Variants in MTCH2 observed in about 807,000 individuals in gnomAD.
The protein encoded by MTCH2 is mitochondrial carrier 2.
MTCH2 carries 25 observed loss-of-function variants against 50.6 expected under a neutral mutation model. The ratio of observed to expected loss-of-function variants is 0.49; its 90% CI spans 0.36 to 0.69. The LOEUF (loss-of-function observed/expected upper bound fraction) is 0.69, where lower values mean the gene tolerates loss of function less well. Among genes scored for constraint, MTCH2 ranks in the 30% least tolerant of loss-of-function variants. The pLI is 0.00. For missense variants in MTCH2, 273 were observed against 384.4 expected (o/e 0.71, Z 2.42); for synonymous variants, 106 against 132.0 (o/e 0.80, Z 1.35).
intron 7 of MTCH2, 69 bp from the exon 8 acceptor site, chr11:47,630,683 A>G (rs1253752711): frequency 7.1e-7 from 1 of 1,410,780 alleles, no homozygotes; most frequent in African/African-American, 1.4e-5. Flanking sequence ...AATAATTTCA[A>G]TTATCACATT....
chr11:47,620,710 G>C (rs1170517170), intron 12 of MTCH2, among the ~76,000 whole-genome samples: 1 of 152,148 alleles, frequency 6.6e-6, no homozygotes, highest in Non-Finnish European at 1.5e-5. Context: ...GTGCAACTGA[G>C]TACACTCTGG....
the MTCH2 span, among the ~76,000 whole-genome samples, chr11:47,609,757 C>T: frequency 6.6e-6 from 1 of 152,004 alleles, no homozygotes; most frequent in African/African-American, 2.4e-5. Context: ...ATCCTCTGTA[C>T]CCTGGTCAAA....
intron 8 of MTCH2, among the ~76,000 whole-genome samples, chr11:47,629,759 A>C (rs113461275): frequency 3.9e-5 from 6 of 152,044 alleles, no homozygotes; most frequent in African/African-American, 9.6e-5. Flanking sequence ...ATTAAAAAAA[A>C]AAAAACAAAA....
chr11:47,623,821 G>A (rs192107633), intron 11 of MTCH2, among the ~76,000 whole-genome samples: 10 of 152,310 alleles, frequency 6.6e-5, no homozygotes, highest in Non-Finnish European at 1.3e-4. Context: ...GGAGGTCGAG[G>A]AGGGTGGACC....
intron 10 of MTCH2, among the ~76,000 whole-genome samples, chr11:47,626,132 G>A (rs1169107223): frequency 1.3e-5 from 2 of 151,462 alleles, no homozygotes; most frequent in African/African-American, 2.4e-5. Flanking sequence ...TGCAACCTCC[G>A]CCTCCTGGGG....
At chr11:47,631,122 G>C in intron 6 of MTCH2, 35 bp from the exon 7 acceptor site, 1 of 1,582,722 alleles carries the variant, frequency 6.3e-7, no homozygotes, top group Non-Finnish European at 8.7e-7. Flanking sequence ...TTACAACTAT[G>C]TTAAGGCCAG....
At chr11:47,614,933 A>C (rs2097287456), downstream of MTCH2, among the ~76,000 whole-genome samples, 1 of 151,778 alleles carries the variant, frequency 6.6e-6, no homozygotes, top group Admixed American at 6.6e-5. Flanking sequence ...GGGAGAAGGA[A>C]AAAAAAATCT....
chr11:47,626,738 G>A (rs752088640), intron 10 of MTCH2, among the ~76,000 whole-genome samples: 11 of 151,700 alleles, frequency 7.3e-5, no homozygotes, highest in East Asian at 2.0e-4. Flanking sequence ...TCAGCCTCCC[G>A]AGTAGCTGGG....
At position 47,642,441 on chromosome 11, in the gene MTCH2, G is replaced by C; in HGVS notation, c.25C>G (p.Leu9Val). 1 of 1,604,374 alleles carries C rather than the reference G, an allele frequency of 6.2e-7. No homozygotes were observed. The highest frequency in any genetic ancestry group is 1.3e-5 in the African/African-American group (1 of 74,606). MADAASQV[L>V]LGSGLTILSQ... Reference sequence around the variant, plus strand: ...AGGATGGTGAGACCGGAGCCCAGGAGCACCTGACTGGCCGCGTCCGCCATG... The same window carrying C: ...AGGATGGTGAGACCGGAGCCCAGGACCACCTGACTGGCCGCGTCCGCCATG... The change falls in exon 1 of 13, where the codon CTC becomes GTC. Residue 9 changes from leucine (L) to valine (V), a missense_variant. By Grantham distance (32) the Leu-to-Val change is conservative. Transcript: ENST00000302503.
chr11:47,609,110 G>A, the MTCH2 span, among the ~76,000 whole-genome samples: 2 of 80,566 alleles, frequency 2.5e-5, no homozygotes, highest in African/African-American at 4.8e-5. Flanking sequence ...GGTAACAAGA[G>A]CAAAACTCTG....
intron 9 of MTCH2, among the ~76,000 whole-genome samples, chr11:47,628,749 T>G (rs1312057496): frequency 6.6e-6 from 1 of 152,104 alleles, no homozygotes; most frequent in East Asian, 1.9e-4. Flanking sequence ...TAATTTTTTC[T>G]GTATTTTTAG....
chr11:47,631,752 G>T, intron 5 of MTCH2, 41 bp from the exon 6 acceptor site: 1 of 1,606,290 alleles, frequency 6.2e-7, no homozygotes, highest in South Asian at 1.1e-5. Flanking sequence ...CTAAACAAAT[G>T]ACACTCAAAT....
downstream of MTCH2, among the ~76,000 whole-genome samples, chr11:47,615,145 G>A (rs143347366): frequency 5.1e-5 from 7 of 137,858 alleles, no homozygotes; most frequent in African/African-American, 1.6e-4. Context: ...TCAACCAGTC[G>A]TCCCACTTCA....
At chr11:47,618,984 C>A in intron 12 of MTCH2, 65 bp from the exon 13 acceptor site, 1 of 1,443,774 alleles carries the variant, frequency 6.9e-7, no homozygotes, top group Non-Finnish European at 9.7e-7. Flanking sequence ...CAATCCAAAT[C>A]AGCAGAGAGG....
chr11:47,609,514 C>T, the MTCH2 span, among the ~76,000 whole-genome samples: 1 of 135,058 alleles, frequency 7.4e-6, no homozygotes, highest in African/African-American at 2.8e-5. Flanking sequence ...ATAATCCCAG[C>T]TACTAGGGAG....
intron 11 of MTCH2, among the ~76,000 whole-genome samples, chr11:47,623,395 AAAG>A (rs1178989368): frequency 1.2e-4 from 18 of 152,050 alleles, no homozygotes; most frequent in African/African-American, 4.3e-4. Context: ...AAAAAAAAAA[AAAG>A]AGCAGGGAAA....
chr11:47,634,748 T>C lies in MTCH2; in HGVS notation c.307-14A>G. ...AGGTCCTAACTCCTGGAAATCAAAA[T>C]CAAAGAAAATAGAGATCTTGATTTT... On this transcript the variant is annotated splice_polypyrimidine_tract_variant and intron_variant, in intron 4 of 12. Transcript: ENST00000302503. 8.6e-7 allele frequency: 1 copy of C among 1,167,134 alleles called. No homozygotes were observed. Among genetic ancestry groups the C allele is most frequent in the Non-Finnish European group, 1.2e-6 (1 of 806,312 alleles). The allele number at this position is 1,167,134 out of a possible 1,614,324, so 72.3% of individuals were successfully genotyped here.
rs763712562 is a variant in MTCH2, at chr11:47,635,572, C to G, written c.280-1G>C. On this transcript the variant is annotated splice_acceptor_variant, in intron 3 of 12. Transcript: ENST00000302503. LOFTEE classifies it high-confidence loss of function. ...CACCCTTGTCACTCTCCTGGTAATGCTATAGAAAAAAAGAAAAAGGATGAT... is the reference window on the plus strand; with the variant it reads ...CACCCTTGTCACTCTCCTGGTAATGGTATAGAAAAAAAGAAAAAGGATGAT... 1.6e-5 allele frequency: 26 copies of G among 1,611,876 alleles called. No homozygotes were observed. Among genetic ancestry groups the G allele is most frequent in the Non-Finnish European group, 2.2e-5 (26 of 1,178,812 alleles).
At chr11:47,617,204 A>C (rs1361784281), downstream of MTCH2, 2 of 152,170 alleles carry the variant, frequency 1.3e-5, no homozygotes, top group Non-Finnish European at 2.9e-5. Context: ...GCACAGGAAA[A>C]ACTGAAGCCT....
Sources: gnomAD v4.1 joint callset for allele counts (sites outside exome capture counted in the v4.1 genomes callset) on GRCh38, gnomAD v4.1.1 for gene constraint, MANE v1.5 for transcripts, NCBI Gene and HGNC (gene_info 2026-07-23, HGNC 2026-07-21) for gene names.